GABBR2: variants seen among roughly 807,000 people sequenced by gnomAD.
GABBR2 encodes gamma-aminobutyric acid type B receptor subunit 2, also known as G-protein coupled receptor 51.
In GABBR2, 23 loss-of-function variants were observed where a neutral mutation model predicts 105.6. The ratio of observed to expected loss-of-function variants is 0.22; its 90% CI spans 0.16 to 0.31. The LOEUF (loss-of-function observed/expected upper bound fraction) is 0.31, where lower values mean the gene tolerates loss of function less well. GABBR2 is among the 10% of genes least tolerant of loss of function. The pLI, the probability that GABBR2 is intolerant of heterozygous loss-of-function variation, is 1.00. For synonymous variants in GABBR2, 478 were observed against 499.7 expected, an observed-to-expected ratio of 0.96 and a Z score of 0.58; for missense variants, 734 against 1,245.5, an observed-to-expected ratio of 0.59 and a Z score of 6.18.
intron 8 of GABBR2, among the ~76,000 whole-genome samples, chr9:98,395,407 G>T (rs1178782096): frequency 6.6e-6 from 1 of 152,138 alleles, no homozygotes. Flanking sequence ...GCTGAGGGGA[G>T]AGGTGTGGCT....
intron 13 of GABBR2, among the ~76,000 whole-genome samples, chr9:98,345,005 C>T (rs917087035): frequency 1.3e-5 from 2 of 152,232 alleles, no homozygotes; most frequent in South Asian, 2.1e-4. Flanking sequence ...TCCACACCTG[C>T]CTTAATGAAG....
chr9:98,620,272 C>CT (rs1564132812), intron 1 of GABBR2, among the ~76,000 whole-genome samples: 3 of 90,108 alleles, frequency 3.3e-5, no homozygotes, highest in African/African-American at 4.4e-5. Context: ...TCTCTCTCCC[C>CT]GCTCCCAGCC....
intron 1 of GABBR2, chr9:98,608,141 A>C (rs1829456667): frequency 2.4e-6 from 3 of 1,250,994 alleles, no homozygotes; most frequent in Non-Finnish European, 3.5e-6. Flanking sequence ...TAAACTCTCT[A>C]TTGACCACCA....
chr9:98,498,908 T>C lies in GABBR2; in HGVS notation c.631-2394A>G, dbSNP rs572695366. Among the ~76,000 whole-genome samples the C allele has an allele frequency of 4.6e-5, 7 of 152,364 alleles. No homozygotes were observed. In the East Asian group the frequency reaches 1.3e-3, roughly 29 times the overall value. On this transcript the variant is annotated intron_variant, in intron 3 of 18. Coordinates refer to ENST00000259455, the MANE Select transcript of GABBR2 (RefSeq NM_005458.8). ...TTATTAAACAGGGAAAACATGCACATGTGGCCCTCCTGGGAGGAGCTCAAT... is the reference window on the plus strand; with the variant it reads ...TTATTAAACAGGGAAAACATGCACACGTGGCCCTCCTGGGAGGAGCTCAAT...
In GABBR2 at chr9:98,466,002, G is replaced by A. The variant is rs543061795; in HGVS notation, c.999+7144C>T. Reference sequence around the variant, plus strand: ...CTAGTGAGTGCGTTCTCACAAGATCGGGTTGTTTAAAAGGGTGTAGCACCT... The same window carrying A: ...CTAGTGAGTGCGTTCTCACAAGATCAGGTTGTTTAAAAGGGTGTAGCACCT... On this transcript the variant is annotated intron_variant, in intron 6 of 18. Transcript: ENST00000259455. 9.2e-5 allele frequency among the ~76,000 whole-genome samples: 14 copies of A among 152,224 alleles called. No individual in the cohort carries two copies. The East Asian group carries it at 1.9e-3, about 21-fold the overall frequency.
intron 11 of GABBR2, among the ~76,000 whole-genome samples, chr9:98,374,472 C>A (rs886319664): frequency 1.4e-4 from 22 of 152,196 alleles, no homozygotes; most frequent in African/African-American, 4.3e-4. Context: ...GGATTCTGGA[C>A]AGTTCCCACC....
chr9:98,364,617 T>TTTTTTTTTA (rs1554695427), intron 12 of GABBR2, among the ~76,000 whole-genome samples: 5 of 151,612 alleles, frequency 3.3e-5, no homozygotes, highest in Non-Finnish European at 4.4e-5. Context: ...TTTTTTTTTT[T>TTTTTTTTTA]ATGGAATCTT....
intron 12 of GABBR2, among the ~76,000 whole-genome samples, chr9:98,365,412 A>G (rs1831658609): frequency 1.3e-5 from 2 of 152,164 alleles, no homozygotes; most frequent in African/African-American, 4.8e-5. Context: ...GTGATACTGC[A>G]CCTAAGCTCT....
intron 1 of GABBR2, among the ~76,000 whole-genome samples, chr9:98,670,219 T>C (rs1026536482): frequency 1.3e-5 from 2 of 151,992 alleles, no homozygotes; most frequent in African/African-American, 4.8e-5. Context: ...TCTAGTATAT[T>C]CACACATATG....
At chr9:98,551,891 A>G (rs947896696) in intron 2 of GABBR2, among the ~76,000 whole-genome samples, 7 of 152,224 alleles carry the variant, frequency 4.6e-5, no homozygotes, top group African/African-American at 1.7e-4. Flanking sequence ...ATTGGACCAA[A>G]GATTTCAAAG....
chr9:98,484,765 G>A (rs1827007449), intron 4 of GABBR2, among the ~76,000 whole-genome samples: 1 of 152,192 alleles, frequency 6.6e-6, no homozygotes, highest in Admixed American at 6.5e-5. Flanking sequence ...TTTTGGATTT[G>A]GGGAATCTTA....
At position 98,288,413 on chromosome 9, in the gene GABBR2, G is replaced by A. The variant is rs887244624; in HGVS notation, c.*2171C>T. ...CAGTAAGACAGAGAATGTACTTCGT[G>A]AGTTAACCTAGAAGACAGCGCACGC... On this transcript the variant is annotated 3_prime_UTR_variant, in exon 19 of 19. Transcript: ENST00000259455. The A allele has an allele frequency of 6.6e-6, 1 of 152,600 alleles. No individual in the cohort carries two copies. The highest frequency in any genetic ancestry group is 2.1e-4 in the South Asian group (1 of 4,830). The allele number at this position is 152,600 out of a possible 1,614,324, so 9.5% of individuals were successfully genotyped here. A position where few individuals can be genotyped will look rare whatever the true frequency, so the allele number is the denominator to read the frequency against.
At position 98,318,549 on chromosome 9, in the gene GABBR2, G is replaced by A. The variant is rs139967876; in HGVS notation, c.1894-7344C>T. On this transcript the variant is annotated intron_variant, in intron 13 of 18. Coordinates refer to ENST00000259455, the MANE Select transcript of GABBR2 (RefSeq NM_005458.8). Reference sequence around the variant, plus strand: ...GGGCGAGGCAACAGGCCCAGGCAGGGAGGATGGGGAGTCCAGATGGTGCAC... The same window carrying A: ...GGGCGAGGCAACAGGCCCAGGCAGGAAGGATGGGGAGTCCAGATGGTGCAC... Among the ~76,000 whole-genome samples the A allele has an allele frequency of 2.6e-3, 394 of 152,298 alleles. 3 individuals carry two copies. The highest frequency in any genetic ancestry group is 9.2e-3 in the African/African-American group (381 of 41,560).
intron 2 of GABBR2, among the ~76,000 whole-genome samples, chr9:98,555,192 C>G (rs1055034036): frequency 6.6e-6 from 1 of 152,202 alleles, no homozygotes; most frequent in African/African-American, 2.4e-5. Context: ...CACACAGGGC[C>G]TTTTAATTTA....
chr9:98,340,756 G>T (rs917648189), intron 13 of GABBR2, among the ~76,000 whole-genome samples: 1 of 152,244 alleles, frequency 6.6e-6, no homozygotes, highest in African/African-American at 2.4e-5. Flanking sequence ...AGGTTGGTTG[G>T]AGTTTACCCA....
At position 98,389,024 on chromosome 9, in the gene GABBR2, C is replaced by T. The variant is rs945844655; in HGVS notation, c.1379-20G>A. 42 of 1,605,788 alleles carry T rather than the reference C, an allele frequency of 2.6e-5. No homozygotes were observed. The highest frequency in any genetic ancestry group is 3.6e-5 in the Non-Finnish European group (42 of 1,174,676). ...CGGATCCTAGAGGATCAAGAGAAGA[C>T]ATCAGTGGGACCCAATGCAAGTCAT... On this transcript the variant is annotated intron_variant, in intron 9 of 18. Transcript: ENST00000259455.
At chr9:98,666,062 G>A (rs58711145) in intron 1 of GABBR2, among the ~76,000 whole-genome samples, 17,337 of 152,162 alleles carry the variant, frequency 0.11, 1,126 homozygotes, top group African/African-American at 0.17. Context: ...GAAACTGCAT[G>A]AGAGCAAAGG....
At chr9:98,404,603 C>T (rs1832456812) in intron 8 of GABBR2, among the ~76,000 whole-genome samples, 1 of 152,106 alleles carries the variant, frequency 6.6e-6, no homozygotes, top group African/African-American at 2.4e-5. Flanking sequence ...ATGAGAGGTT[C>T]ATCTAGTCGT....
At chr9:98,448,553 A>G (rs1826176954) in intron 7 of GABBR2, among the ~76,000 whole-genome samples, 1 of 152,174 alleles carries the variant, frequency 6.6e-6, no homozygotes, top group South Asian at 2.1e-4. Context: ...AGTAGCTGAG[A>G]CTACAGGCAC....
Sources: gnomAD v4.1 joint callset for allele counts (sites outside exome capture counted in the v4.1 genomes callset) on GRCh38, gnomAD v4.1.1 for gene constraint, MANE v1.5 for transcripts, NCBI Gene and HGNC (gene_info 2026-07-23, HGNC 2026-07-21) for gene names.